The following DNM1 variants were observed in gnomAD, a reference collection of about 807,000 sequenced individuals.
DNM1 encodes dynamin 1, also known as dynamin-1.
DNM1 carries 29 observed loss-of-function variants against 104.6 expected under a neutral mutation model. That is an observed-to-expected ratio of 0.28 (90% CI 0.21 to 0.38). The LOEUF (loss-of-function observed/expected upper bound fraction) is 0.38, where lower values mean the gene tolerates loss of function less well. Among genes scored for constraint, DNM1 ranks in the 10% least tolerant of loss-of-function variants. The probability of loss-of-function intolerance (pLI) is 1.00; values close to 1 mark genes in which losing one functional copy is unlikely to be tolerated. For synonymous variants in DNM1, 445 were observed against 475.8 expected, an observed-to-expected ratio of 0.94 and a Z score of 0.84; for missense variants, 640 against 1,189.4, an observed-to-expected ratio of 0.54 and a Z score of 6.79.
At chr9:128,215,007 C>G (rs534146118) in intron 1 of DNM1, among the ~76,000 whole-genome samples, 1 of 152,250 alleles carries the variant, frequency 6.6e-6, no homozygotes, top group Admixed American at 6.5e-5. Flanking sequence ...TAGGGAGCTG[C>G]TGAGTCATGC....
intron 10 of DNM1, among the ~76,000 whole-genome samples, chr9:128,229,563 AC>A (rs1330362122): frequency 7.3e-6 from 1 of 136,324 alleles, no homozygotes; most frequent in Non-Finnish European, 1.5e-5. Context: ...TGATCACACC[AC>A]CATATTCCAG....
At position 128,222,083 on chromosome 9, in the gene DNM1, G is replaced by A. The variant is rs1835057816; in HGVS notation, c.850-114G>A. ...CTAGTGGCCCGGGCAGCAGTGGCAG[G>A]GCTGCCCTCCATAGCTCTCCACCTC... On this transcript the variant is annotated intron_variant, in intron 6 of 21. Coordinates refer to ENST00000372923, the MANE Select transcript of DNM1 (RefSeq NM_004408.4). This position sits in a 1 kb window ranked among gnomAD's most constrained non-coding sequence, Gnocchi z 7.8. 7 of 1,315,836 alleles carry A rather than the reference G, an allele frequency of 5.3e-6. No homozygotes were observed. The South Asian group carries it at 1.1e-4, about 20-fold the overall frequency. 81.5% of individuals were successfully genotyped at this position (1,315,836 alleles called of 1,614,324 possible).
Position 128,254,417 on chromosome 9 carries a change from C to T in DNM1, c.2535-237C>T, listed in dbSNP as rs538788718. The stretch of plus-strand genomic sequence containing the variant: ...CCAGCGTGTGTGGGGTGGGGAGGGC[C>T]GCCACAGCCCCCAGGCGCTATCTGT... On this transcript the variant is annotated intron_variant, in intron 21 of 21. Transcript: ENST00000372923. The surrounding 1 kb of genome is among the most constrained non-coding windows in gnomAD (Gnocchi z 6.1). The T allele has an allele frequency of 4.2e-5, 60 of 1,430,256 alleles. No homozygotes were observed. Among genetic ancestry groups the T allele is most frequent in the Non-Finnish European group, 4.9e-5 (54 of 1,099,322 alleles). The allele number at this position is 1,430,256 out of a possible 1,614,324, so 88.6% of individuals were successfully genotyped here. A position where few individuals can be genotyped will look rare whatever the true frequency, so the allele number is the denominator to read the frequency against.
At chr9:128,238,877 G>T (rs111522802) in intron 11 of DNM1, among the ~76,000 whole-genome samples, 1 of 151,190 alleles carries the variant, frequency 6.6e-6, no homozygotes, top group African/African-American at 2.4e-5. Context: ...GGATGGTCTC[G>T]ATCTCCTGAC....
chr9:128,211,858 G>T (rs1031861883), intron 1 of DNM1, among the ~76,000 whole-genome samples: 1 of 152,198 alleles, frequency 6.6e-6, no homozygotes, highest in Middle Eastern at 3.2e-3. Context: ...AAAGAAGCCC[G>T]TTGCCTTGGG....
At position 128,254,490 on chromosome 9, in the gene DNM1, CCT is replaced by C. The variant is rs1261626465; in HGVS notation, c.2535-163_2535-162del. The C allele has an allele frequency of 4.6e-6, 7 of 1,515,102 alleles. No homozygotes were observed. Among genetic ancestry groups the C allele is most frequent in the Non-Finnish European group, 5.3e-6 (6 of 1,139,998 alleles). 93.9% of individuals were successfully genotyped at this position (1,515,102 alleles called of 1,614,324 possible). Reference sequence around the variant, plus strand: ...TCTTCCTCCCCTTTCCCTTCCAGCCCCTTTTCCAGGAACCTTGCCACACCCAC... The same window carrying C: ...TCTTCCTCCCCTTTCCCTTCCAGCCCTTTCCAGGAACCTTGCCACACCCAC... On this transcript the variant is annotated intron_variant, in intron 21 of 21. Coordinates refer to ENST00000372923, the MANE Select transcript of DNM1 (RefSeq NM_004408.4). This position sits in a 1 kb window ranked among gnomAD's most constrained non-coding sequence, Gnocchi z 6.1.
rs375435095 is a variant in DNM1 at position 128,253,074 on chromosome 9, C to A, written c.2535-1580C>A. The A allele has an allele frequency of 1.0e-4, 163 of 1,611,234 alleles. No homozygotes were observed. The highest frequency in any genetic ancestry group is 1.2e-4 in the Non-Finnish European group (146 of 1,179,858). ...CGGCCCCACCCGTGCGTGTGAACTG[C>A]CATGTTGATTTCGTGCTGTCTTTCA... On this transcript the variant is annotated intron_variant, in intron 21 of 21. Transcript: ENST00000372923. The surrounding 1 kb of genome is among the most constrained non-coding windows in gnomAD (Gnocchi z 5.9).
chr9:128,238,653 CTTTT>C (rs60034616), intron 11 of DNM1, among the ~76,000 whole-genome samples: 6 of 140,854 alleles, frequency 4.3e-5, no homozygotes, highest in Non-Finnish European at 6.2e-5. Context: ...TTGTGATTTT[CTTTT>C]TTTTTTTTTT....
chr9:128,233,899 G>C (rs187874542), intron 10 of DNM1, 122 bp from the exon 11 acceptor site: 1 of 860,968 alleles, frequency 1.2e-6, no homozygotes, highest in Non-Finnish European at 1.9e-6. Context: ...TCTTCCCCGC[G>C]TTGTGGGCAT....
intron 6 of DNM1, chr9:128,221,336 C>G (rs540681425): frequency 6.6e-6 from 1 of 152,146 alleles, no homozygotes; most frequent in East Asian, 1.9e-4. Flanking sequence ...GTGATCTGCC[C>G]GCCTTGGCCT....
chr9:128,225,801 G>A (rs1835305434), intron 10 of DNM1, among the ~76,000 whole-genome samples: 1 of 152,074 alleles, frequency 6.6e-6, no homozygotes, highest in African/African-American at 2.4e-5. Flanking sequence ...CCCAGGGGAT[G>A]CTTGGCAGCA....
In DNM1 at chr9:128,247,296, C is replaced by G; in HGVS notation, c.1782-79C>G. The G allele has an allele frequency of 1.0e-6, 1 of 984,940 alleles. No individual in the cohort carries two copies. The highest frequency in any genetic ancestry group is 1.5e-5 in the South Asian group (1 of 64,790). The allele number at this position is 984,940 out of a possible 1,614,324, so 61.0% of individuals were successfully genotyped here. ...GAGCTGGCCTCAGGCATGTTGACCC[C>G]AAAGTCTGGGCATGCCCTTAACCCC... On this transcript the variant is annotated intron_variant, in intron 16 of 21. Transcript: ENST00000372923. The surrounding 1 kb of genome is among the most constrained non-coding windows in gnomAD (Gnocchi z 5.1).
At chr9:128,235,291 T>C (rs184445181) in intron 11 of DNM1, among the ~76,000 whole-genome samples, 4 of 151,894 alleles carry the variant, frequency 2.6e-5, no homozygotes, top group South Asian at 2.1e-4. Context: ...GTCAGGAGTT[T>C]GAGACCAGCC....
chr9:128,226,143 C>T (rs1291560986), intron 10 of DNM1: 2 of 1,612,878 alleles, frequency 1.2e-6, no homozygotes, highest in South Asian at 1.1e-5. Flanking sequence ...TCAGTGAGCT[C>T]ACAGCCACCA....
chr9:128,216,902 A>C (rs3003599), intron 1 of DNM1, among the ~76,000 whole-genome samples: 3 of 152,204 alleles, frequency 2.0e-5, no homozygotes, highest in Non-Finnish European at 2.9e-5. Context: ...CTCGGGCTTC[A>C]ACCTGTTCCC....
chr9:128,239,658 C>A, intron 12 of DNM1, 70 bp from the exon 13 acceptor site: 1 of 1,503,596 alleles, frequency 6.7e-7, no homozygotes, highest in East Asian at 2.3e-5. Flanking sequence ...GGTCCTGTGC[C>A]CACTAAGCAG....
chr9:128,248,405 CAG>C lies in DNM1; in HGVS notation c.1906-177_1906-176del. On this transcript the variant is annotated intron_variant, in intron 18 of 21. Transcript: ENST00000372923. The surrounding 1 kb of genome is among the most constrained non-coding windows in gnomAD (Gnocchi z 5.6). ...AGTCAGAACCAAGACAAGGCTGAAT[CAG>C]GGGAGTCTAGGGTCCTGAGAGGCAC... 2 of 626,356 alleles carry C rather than the reference CAG, an allele frequency of 3.2e-6. No individual in the cohort carries two copies. The highest frequency in any genetic ancestry group is 5.4e-6 in the Non-Finnish European group (2 of 370,738). 38.8% of individuals were successfully genotyped at this position (626,356 alleles called of 1,614,324 possible). A position where few individuals can be genotyped will look rare whatever the true frequency, so the allele number is the denominator to read the frequency against.
At position 128,247,256 on chromosome 9, in the gene DNM1, A is replaced by G; in HGVS notation, c.1782-119A>G. ...GAGAGGAAGGGACTTGCACAGGGTC[A>G]CACAGCTGGGAAATGAGCTGGCCTC... On this transcript the variant is annotated intron_variant, in intron 16 of 21. Transcript: ENST00000372923. This position sits in a 1 kb window ranked among gnomAD's most constrained non-coding sequence, Gnocchi z 5.1. The G allele has an allele frequency of 3.2e-6, 2 of 630,314 alleles. No individual in the cohort carries two copies. The highest frequency in any genetic ancestry group is 2.4e-5 in the Admixed American group (1 of 42,028). The allele number at this position is 630,314 out of a possible 1,614,324, so 39.0% of individuals were successfully genotyped here. A position where few individuals can be genotyped will look rare whatever the true frequency, so the allele number is the denominator to read the frequency against.
rs770857641 is a variant in DNM1, at chr9:128,203,594, G to A, written c.124G>A (p.Ala42Thr). Residue 42 changes from alanine (A) to threonine (T), a missense_variant, in exon 1 of 22, where the codon GCC becomes ACC. By Grantham distance (58) the Ala-to-Thr change is moderately conservative. This residue lies in a region of DNM1 where 172 missense variants were observed against 335.3 expected (regional missense o/e 0.51). Coordinates refer to ENST00000372923, the MANE Select transcript of DNM1 (RefSeq NM_004408.4). The surrounding 1 kb of genome is among the most constrained non-coding windows in gnomAD (Gnocchi z 5.3). ...PQIAVVGGQS[A>T]GKSSVLENFV... ...GATCGCTGTGGTGGGCGGCCAGAGC[G>A]CCGGCAAGAGCTCGGTGCTCGAGAA... The A allele has an allele frequency of 6.5e-7, 1 of 1,550,308 alleles. No individual in the cohort carries two copies. The highest frequency in any genetic ancestry group is 8.7e-7 in the Non-Finnish European group (1 of 1,152,860).
Sources: allele counts gnomAD v4.1 joint callset (sites outside exome capture counted in the v4.1 genomes callset), GRCh38; gene constraint gnomAD v4.1.1; regional missense constraint gnomAD v4.1.1; non-coding constraint Gnocchi (gnomAD v3.1); transcripts MANE v1.5; gene names NCBI Gene and HGNC (gene_info 2026-07-23, HGNC 2026-07-21).